The following ANKRD6 variants were observed in gnomAD, a reference collection of about 807,000 sequenced individuals.
ANKRD6 encodes the protein ankyrin repeat domain-containing protein 6.
In ANKRD6, 56 loss-of-function variants were observed where a neutral mutation model predicts 82.3. The ratio of observed to expected loss-of-function variants is 0.68; its 90% CI spans 0.55 to 0.85. ANKRD6 has a LOEUF of 0.85. Among genes scored for constraint, ANKRD6 ranks in the 40% least tolerant of loss-of-function variants. ANKRD6 has a pLI of 0.00. For missense variants in ANKRD6, 852 were observed against 907.6 expected (o/e 0.94, Z 0.79); for synonymous variants, 347 against 352.1 (o/e 0.99, Z 0.16).
intron 6 of ANKRD6, 41 bp downstream of exon 6, chr6:89,612,411 G>C: frequency 6.6e-7 from 1 of 1,508,490 alleles, no homozygotes; most frequent in South Asian, 1.2e-5. Flanking sequence ...TCTCTTTCTT[G>C]TGTCACTTCA....
chr6:89,616,790 C>T, intron 8 of ANKRD6, 133 bp downstream of exon 8: 1 of 899,930 alleles, frequency 1.1e-6, no homozygotes, highest in South Asian at 1.4e-5. Context: ...GAACCACAGC[C>T]CCCAGGGCCA....
Position 89,621,038 on chromosome 6 carries a change from C to G in ANKRD6, c.793-884C>G, listed in dbSNP as rs972646335. On this transcript the variant is annotated intron_variant, in intron 9 of 15. Transcript: ENST00000339746. The stretch of plus-strand genomic sequence containing the variant: ...GAGCCGAGATCACGCCACTGCACTT[C>G]AGCCTGGGGCACAGAGTGAGACTCT... Among the ~76,000 whole-genome samples the G allele has an allele frequency of 2.6e-5, 4 of 152,188 alleles. No individual in the cohort carries two copies. In the East Asian group the frequency reaches 7.7e-4, roughly 29 times the overall value.
intron 2 of ANKRD6, among the ~76,000 whole-genome samples, chr6:89,588,107 G>A (rs1184538554): frequency 6.6e-6 from 1 of 152,118 alleles, no homozygotes; most frequent in Admixed American, 6.5e-5. Flanking sequence ...GGACCCTTGG[G>A]GCACTTAGAA....
At chr6:89,616,321 C>G (rs543847635) in intron 7 of ANKRD6, 1 of 535,500 alleles carries the variant, frequency 1.9e-6, no homozygotes, top group Non-Finnish European at 3.3e-6. Flanking sequence ...TGCGTTTAAT[C>G]CTGCTGCGTG....
At chr6:89,581,621 T>G (rs1300417949) in intron 2 of ANKRD6, 1 of 150,760 alleles carries the variant, frequency 6.6e-6, no homozygotes, top group Non-Finnish European at 1.5e-5. Flanking sequence ...CAGAATTTTC[T>G]CTGGGAATCC....
chr6:89,629,105 T>C lies in ANKRD6; in HGVS notation c.1486-7T>C. The C allele has an allele frequency of 6.2e-7, 1 of 1,605,372 alleles. No homozygotes were observed. Among genetic ancestry groups the C allele is most frequent in the Non-Finnish European group, 8.5e-7 (1 of 1,177,674 alleles). ...ACTTATTTGTGGGGTTTGTTTTTTT[T>C]TTTAAGATATCCTTGGTGGATGAAT... On this transcript the variant is annotated splice_region_variant and splice_polypyrimidine_tract_variant and intron_variant, in intron 14 of 15. Transcript: ENST00000339746.
rs903436225 is a variant in ANKRD6, at chr6:89,631,397, T to C, written c.*393T>C. Reference sequence around the variant, plus strand: ...AAACGTAATCCCGTCTGAACTCAAGTAGTCATTCATATAAATTTGAACACA... The same window carrying C: ...AAACGTAATCCCGTCTGAACTCAAGCAGTCATTCATATAAATTTGAACACA... On this transcript the variant is annotated 3_prime_UTR_variant, in exon 16 of 16. Coordinates refer to ENST00000339746, the MANE Select transcript of ANKRD6 (RefSeq NM_001242809.2). 3 of 158,922 alleles carry C rather than the reference T, an allele frequency of 1.9e-5. No homozygotes were observed. Among genetic ancestry groups the C allele is most frequent in the Non-Finnish European group, 4.2e-5 (3 of 72,254 alleles). 9.8% of individuals were successfully genotyped at this position (158,922 alleles called of 1,614,324 possible).
intron 1 of ANKRD6, among the ~76,000 whole-genome samples, chr6:89,523,286 G>T (rs2127973636): frequency 6.6e-6 from 1 of 152,290 alleles, no homozygotes; most frequent in South Asian, 2.1e-4. Flanking sequence ...TACCTTCATG[G>T]GAAAGGCCAG....
intron 2 of ANKRD6, among the ~76,000 whole-genome samples, chr6:89,584,943 T>C (rs1562926869): frequency 6.6e-6 from 1 of 152,070 alleles, no homozygotes; most frequent in Non-Finnish European, 1.5e-5. Flanking sequence ...CTTCCTCTTA[T>C]AGGGGCACTA....
chr6:89,466,950 TC>T (rs1170258403), intron 1 of ANKRD6, among the ~76,000 whole-genome samples: 1 of 152,154 alleles, frequency 6.6e-6, no homozygotes, highest in African/African-American at 2.4e-5. Context: ...CAAGTTATTC[TC>T]CCATATTGGC....
rs71024383 is a variant in ANKRD6 at position 89,578,286 on chromosome 6, C to CTTTTTTTTTTTTTTTTTTTTTTTTT, written c.120+11192_120+11216dup. On this transcript the variant is annotated intron_variant, in intron 2 of 15. Coordinates refer to ENST00000339746, the MANE Select transcript of ANKRD6 (RefSeq NM_001242809.2). ...ATTAGCTTTTTCCCCCTCCCGCCTC[C>CTTTTTTTTTTTTTTTTTTTTTTTTT]TTTTTTTTTTTTTTTTTTTTTTTTT... Among the ~76,000 whole-genome samples the CTTTTTTTTTTTTTTTTTTTTTTTTT allele has an allele frequency of 4.2e-5, 5 of 119,098 alleles. 2 individuals carry two copies. Among genetic ancestry groups the CTTTTTTTTTTTTTTTTTTTTTTTTT allele is most frequent in the Admixed American group, 1.8e-4 (2 of 11,250 alleles). 78.1% of individuals were successfully genotyped at this position (119,098 alleles called of 152,430 possible).
chr6:89,448,721 C>G (rs1417714633), intron 1 of ANKRD6, among the ~76,000 whole-genome samples: 1 of 152,176 alleles, frequency 6.6e-6, no homozygotes, highest in Admixed American at 6.6e-5. Flanking sequence ...GAGTTAATTT[C>G]TATTTTCAAG....
At chr6:89,466,235 A>G (rs1774830942) in intron 1 of ANKRD6, among the ~76,000 whole-genome samples, 1 of 152,224 alleles carries the variant, frequency 6.6e-6, no homozygotes, top group African/African-American at 2.4e-5. Flanking sequence ...AGCTGTTTCC[A>G]TAGTGTTGAA....
intron 2 of ANKRD6, among the ~76,000 whole-genome samples, chr6:89,569,994 T>C (rs1268519041): frequency 6.6e-6 from 1 of 152,158 alleles, no homozygotes; most frequent in Non-Finnish European, 1.5e-5. Context: ...ATTCAACAGT[T>C]TAGTTTTTTT....
intron 1 of ANKRD6, among the ~76,000 whole-genome samples, chr6:89,531,113 A>G (rs866119366): frequency 1.3e-5 from 2 of 152,224 alleles, no homozygotes; most frequent in African/African-American, 2.4e-5. Context: ...CTGTGTGTCT[A>G]TGGGAAGGAG....
intron 1 of ANKRD6, among the ~76,000 whole-genome samples, chr6:89,514,970 T>C (rs1227517886): frequency 1.3e-5 from 2 of 152,236 alleles, no homozygotes; most frequent in Admixed American, 6.5e-5. Context: ...ATATGCTTAT[T>C]GGCTGTCTGG....
At position 89,630,546 on chromosome 6, in the gene ANKRD6, C is replaced by A; in HGVS notation, c.1726C>A (p.Gln576Lys). Residue 576 changes from glutamine (Q) to lysine (K), a missense_variant, in exon 16 of 16, where the codon CAG (glutamine) becomes AAG (lysine). Transcript: ENST00000339746. The stretch of plus-strand genomic sequence containing the variant: ...CTCCACTGCTACCCAGAGACTCCAG[C>A]AGGAGCTGTCGTCTTCTGACTGTAC... ...LNSTATQRLQ[Q>K]ELSSSDCTGS... 1.2e-6 allele frequency: 2 copies of A among 1,613,980 alleles called. No individual in the cohort carries two copies. The highest frequency in any genetic ancestry group is 1.7e-6 in the Non-Finnish European group (2 of 1,179,850).
chr6:89,510,668 C>T (rs915614510), intron 1 of ANKRD6, among the ~76,000 whole-genome samples: 3 of 152,100 alleles, frequency 2.0e-5, no homozygotes, highest in Non-Finnish European at 2.9e-5. Flanking sequence ...GAAACCTGTA[C>T]TTATTAGCAG....
chr6:89,587,473 G>A (rs1050569379), intron 2 of ANKRD6, among the ~76,000 whole-genome samples: 7 of 152,194 alleles, frequency 4.6e-5, no homozygotes, highest in Non-Finnish European at 8.8e-5. Flanking sequence ...TGGCGACAGA[G>A]CGAGACTTCA....
Sources: gnomAD v4.1 joint callset for allele counts (sites outside exome capture counted in the v4.1 genomes callset) on GRCh38, gnomAD v4.1.1 for gene constraint, MANE v1.5 for transcripts, NCBI Gene and HGNC (gene_info 2026-07-23, HGNC 2026-07-21) for gene names.